Variants in RIPOR2 observed in about 807,000 individuals in gnomAD.
The protein encoded by RIPOR2 is RHO family interacting cell polarization regulator 2, also known as rho family-interacting cell polarization regulator 2.
In RIPOR2, 39 loss-of-function variants were observed where a neutral mutation model predicts 114.5. The ratio of observed to expected loss-of-function variants is 0.34; its 90% CI spans 0.26 to 0.44. The LOEUF (loss-of-function observed/expected upper bound fraction) is 0.44. Ranked by LOEUF, RIPOR2 falls within the 20% of genes least tolerant of loss-of-function variation. The probability of loss-of-function intolerance (pLI) is 1.00; values close to 1 mark genes in which losing one functional copy is unlikely to be tolerated. For missense variants in RIPOR2, 1,007 were observed against 1,255.1 expected, an observed-to-expected ratio of 0.80 and a Z score of 2.99; for synonymous variants, 445 against 484.4, an observed-to-expected ratio of 0.92 and a Z score of 1.07.
intron 6 of RIPOR2, among the ~76,000 whole-genome samples, chr6:24,866,116 G>T (rs183554017): frequency 6.6e-6 from 1 of 152,034 alleles, no homozygotes; most frequent in Non-Finnish European, 1.5e-5. Context: ...AAAGGAAAAA[G>T]TTATTCTTAA....
intron 1 of RIPOR2, among the ~76,000 whole-genome samples, chr6:24,889,373 G>T (rs1367691492): frequency 5.3e-5 from 8 of 152,144 alleles, no homozygotes; most frequent in Admixed American, 5.2e-4. Context: ...TTATTTTCTT[G>T]ATTATAGCCT....
At chr6:24,995,647 CT>C (rs564863999) in intron 1 of RIPOR2, among the ~76,000 whole-genome samples, 52 of 152,276 alleles carry the variant, frequency 3.4e-4, no homozygotes, top group Middle Eastern at 6.8e-3. Flanking sequence ...TACAAGGTAC[CT>C]CTTATATGTT....
chr6:24,967,284 T>C (rs192410778), intron 1 of RIPOR2, among the ~76,000 whole-genome samples: 1 of 152,302 alleles, frequency 6.6e-6, no homozygotes, highest in East Asian at 1.9e-4. Context: ...TGAAGGAGAC[T>C]ATGTGGATGT....
chr6:24,928,501 C>T lies in RIPOR2; in HGVS notation c.61+7337G>A, dbSNP rs141466604. 3.1e-3 allele frequency among the ~76,000 whole-genome samples: 479 copies of T among 152,302 alleles called. 4 individuals carry two copies. The highest frequency in any genetic ancestry group is 0.011 in the African/African-American group (440 of 41,548). On this transcript the variant is annotated intron_variant, in intron 1 of 21. Coordinates refer to ENST00000643898, the MANE Select transcript of RIPOR2 (RefSeq NM_001286445.3). ...TCAGCCAGCTGACTCATCTTGTGAT[C>T]TGAAAGGCAAGTTATCTTTTTGTTA...
At chr6:24,846,088 T>C (rs1396347391) in intron 12 of RIPOR2, among the ~76,000 whole-genome samples, 1 of 152,180 alleles carries the variant, frequency 6.6e-6, no homozygotes, top group East Asian at 1.9e-4. Context: ...ATTTAAATTA[T>C]GACGTGAAAC....
chr6:24,937,195 G>C (rs188765920), upstream of RIPOR2, among the ~76,000 whole-genome samples: 387 of 152,256 alleles, frequency 2.5e-3, 4 homozygotes, highest in Middle Eastern at 0.017. Context: ...GTCCTGCTGG[G>C]ATCACCAATT....
intron 13 of RIPOR2, among the ~76,000 whole-genome samples, chr6:24,841,495 G>A (rs183293317): frequency 5.6e-4 from 85 of 152,046 alleles, no homozygotes; most frequent in Non-Finnish European, 8.4e-4. Context: ...TCTGCCTGGG[G>A]CACAAATCTC....
At chr6:25,022,550 T>A (rs1321742661) in intron 1 of RIPOR2, among the ~76,000 whole-genome samples, 2 of 122,198 alleles carry the variant, frequency 1.6e-5, no homozygotes, top group African/African-American at 6.1e-5. Flanking sequence ...TTTTTTTTTT[T>A]TTTTTTTTTT....
chr6:24,919,479 G>A (rs746938772), intron 1 of RIPOR2, among the ~76,000 whole-genome samples: 20 of 152,244 alleles, frequency 1.3e-4, no homozygotes, highest in African/African-American at 2.6e-4. Flanking sequence ...ATGGAATCCC[G>A]GCTATGTTTT....
At chr6:24,847,513 C>T in intron 12 of RIPOR2, 2 of 1,542,474 alleles carry the variant, frequency 1.3e-6, no homozygotes, top group Non-Finnish European at 1.8e-6. Context: ...AGAAGTCAAG[C>T]ACTCCATACC....
At chr6:24,905,344 C>G (rs1207029254) in intron 1 of RIPOR2, among the ~76,000 whole-genome samples, 2 of 152,134 alleles carry the variant, frequency 1.3e-5, no homozygotes, top group African/African-American at 2.4e-5. Context: ...CTTCATCTCT[C>G]TTTTTTTCTA....
At chr6:24,892,743 G>A (rs1383377404) in intron 1 of RIPOR2, among the ~76,000 whole-genome samples, 6 of 152,068 alleles carry the variant, frequency 3.9e-5, no homozygotes, top group Admixed American at 6.5e-5. Flanking sequence ...GAATTTATTC[G>A]TGGGAAAAAA....
chr6:24,845,178 C>G (rs1247267345), intron 12 of RIPOR2, among the ~76,000 whole-genome samples: 4 of 152,166 alleles, frequency 2.6e-5, no homozygotes, highest in African/African-American at 9.7e-5. Flanking sequence ...GGATGTTTTA[C>G]TCTATTAGTG....
At chr6:24,847,473 A>G (rs1264451647) in intron 12 of RIPOR2, 3 of 1,465,064 alleles carry the variant, frequency 2.0e-6, no homozygotes, top group African/African-American at 1.4e-5. Context: ...AAAACAAGAG[A>G]CATGCTAAGT....
intron 1 of RIPOR2, among the ~76,000 whole-genome samples, chr6:24,902,534 C>T (rs1359679291): frequency 2.6e-5 from 4 of 152,080 alleles, no homozygotes; most frequent in African/African-American, 7.2e-5. Flanking sequence ...TTCTCTTTTT[C>T]TCCATCTCCT....
chr6:24,867,725 A>G (rs1318402827), intron 6 of RIPOR2, among the ~76,000 whole-genome samples: 15 of 152,248 alleles, frequency 9.9e-5, no homozygotes, highest in Admixed American at 9.8e-4. Flanking sequence ...AAACTTTTGG[A>G]TAAAGTATAC....
In RIPOR2 at chr6:24,806,114, T is replaced by G. The variant is rs1156451466; in HGVS notation, c.*259A>C. The G allele has an allele frequency of 2.3e-6, 1 of 440,326 alleles. No homozygotes were observed. The highest frequency in any genetic ancestry group is 2.1e-5 in the African/African-American group (1 of 48,400). 27.3% of individuals were successfully genotyped at this position (440,326 alleles called of 1,614,324 possible). On this transcript the variant is annotated 3_prime_UTR_variant, in exon 22 of 22. Transcript: ENST00000643898. ...ACAGGTGCATGCCACCACGCCTGAC[T>G]AATTAAACTATTTTTTTTGTAGAGA...
At chr6:24,891,838 G>C (rs2113972881) in intron 1 of RIPOR2, among the ~76,000 whole-genome samples, 1 of 152,152 alleles carries the variant, frequency 6.6e-6, no homozygotes, top group South Asian at 2.1e-4. Context: ...ACCTAGAGTG[G>C]AGTTACATCC....
intron 1 of RIPOR2, among the ~76,000 whole-genome samples, chr6:24,884,002 C>T (rs890366866): frequency 6.6e-6 from 1 of 152,208 alleles, no homozygotes; most frequent in Non-Finnish European, 1.5e-5. Flanking sequence ...TAAAGATACA[C>T]GTCTGCTTAT....
Sources: gnomAD v4.1 joint callset for allele counts (sites outside exome capture counted in the v4.1 genomes callset) on GRCh38, gnomAD v4.1.1 for gene constraint, MANE v1.5 for transcripts, NCBI Gene and HGNC (gene_info 2026-07-23, HGNC 2026-07-21) for gene names.